The following ADAM22 variants were observed in gnomAD, a reference collection of about 807,000 sequenced individuals.
ADAM22 encodes the protein ADAM metallopeptidase domain 22.
Under a neutral mutation model 144.6 loss-of-function variants are expected in ADAM22, and 65 were observed. The observed-to-expected ratio is 0.45, with a 90% CI of 0.37 to 0.55. The LOEUF is 0.55. ADAM22 is among the 20% of genes least tolerant of loss of function. The pLI, the probability that ADAM22 is intolerant of heterozygous loss-of-function variation, is 0.00. For synonymous variants in ADAM22, 391 were observed against 412.6 expected (o/e 0.95, Z 0.63); for missense variants, 974 against 1,184.9 (o/e 0.82, Z 2.61).
At chr7:88,021,809 A>T (rs780654248) in intron 3 of ADAM22, among the ~76,000 whole-genome samples, 1 of 152,152 alleles carries the variant, frequency 6.6e-6, no homozygotes, top group Admixed American at 6.5e-5. Flanking sequence ...TTCGAGTCAT[A>T]AAAGACTCAG....
chr7:88,008,792 T>A (rs1285640374), intron 3 of ADAM22, among the ~76,000 whole-genome samples: 47 of 152,118 alleles, frequency 3.1e-4, no homozygotes, highest in African/African-American at 1.1e-3. Context: ...ATATACCTAA[T>A]GCTAAATGAC....
chr7:88,131,378 T>C lies in ADAM22; in HGVS notation c.935T>C (p.Phe312Ser). 5.6e-6 allele frequency: 9 copies of C among 1,613,900 alleles called. No individual in the cohort carries two copies. Among genetic ancestry groups the C allele is most frequent in the Non-Finnish European group, 7.6e-6 (9 of 1,179,884 alleles). ...SENPLITLREFMKYRRDFIKE... is the reference protein window; with the variant it reads ...SENPLITLRESMKYRRDFIKE... ...AATCCATTGATCACCCTACGTGAGTTTATGAAATACAGGAGGGATTTTATC... is the reference window on the plus strand; with the variant it reads ...AATCCATTGATCACCCTACGTGAGTCTATGAAATACAGGAGGGATTTTATC... The change falls in exon 11 of 32, where the codon TTT (phenylalanine) becomes TCT (serine). Residue 312 changes from phenylalanine (F) to serine (S), a missense_variant. By Grantham distance (155) the Phe-to-Ser change is radical. Coordinates refer to ENST00000413139, the MANE Select transcript of ADAM22 (RefSeq NM_001324418.2).
At chr7:87,973,445 C>A (rs564287393) in intron 2 of ADAM22, among the ~76,000 whole-genome samples, 2 of 152,030 alleles carry the variant, frequency 1.3e-5, no homozygotes, top group East Asian at 3.9e-4. Context: ...ACAACAGGTG[C>A]TGGAGAGGAT....
chr7:87,952,819 A>C (rs539327285), intron 2 of ADAM22, among the ~76,000 whole-genome samples: 148 of 152,160 alleles, frequency 9.7e-4, no homozygotes, highest in South Asian at 3.9e-3. Flanking sequence ...ACAATTTCAG[A>C]TCCTGTTATT....
At chr7:88,075,549 G>A (rs917302005) in intron 3 of ADAM22, 77 bp from the exon 4 acceptor site, 7 of 1,258,596 alleles carry the variant, frequency 5.6e-6, no homozygotes, top group African/African-American at 4.4e-5. Flanking sequence ...AAGCAGATAT[G>A]TGTAAACTAG....
At chr7:87,989,392 T>G (rs1789235421) in intron 3 of ADAM22, among the ~76,000 whole-genome samples, 1 of 152,038 alleles carries the variant, frequency 6.6e-6, no homozygotes, top group African/African-American at 2.4e-5. Context: ...TGTATATTAT[T>G]TATTTATTTA....
chr7:87,937,451 T>TGAGG (rs1331505264), intron 2 of ADAM22, among the ~76,000 whole-genome samples: 1 of 152,168 alleles, frequency 6.6e-6, no homozygotes, highest in Non-Finnish European at 1.5e-5. Context: ...GAAGAGAGAC[T>TGAGG]GAGGGAAGAA....
chr7:88,171,495 GTAAC>G, intron 25 of ADAM22, 45 bp from the exon 26 acceptor site: 3 of 1,513,284 alleles, frequency 2.0e-6, no homozygotes, highest in Non-Finnish European at 1.8e-6. Flanking sequence ...CCTTCCAGAG[GTAAC>G]TAACTCTTAT....
chr7:88,183,607 A>G (rs1847619620), intron 29 of ADAM22, among the ~76,000 whole-genome samples: 1 of 152,022 alleles, frequency 6.6e-6, no homozygotes, highest in East Asian at 1.9e-4. Context: ...CCTTTGAGAA[A>G]TCTTGCCTAT....
chr7:88,063,873 C>G (rs1337259685), intron 3 of ADAM22, among the ~76,000 whole-genome samples: 1 of 152,186 alleles, frequency 6.6e-6, no homozygotes, highest in African/African-American at 2.4e-5. Flanking sequence ...GATGAGTTCT[C>G]AGAAAATATA....
intron 3 of ADAM22, among the ~76,000 whole-genome samples, chr7:88,011,591 G>T (rs569699039): frequency 8.8e-4 from 132 of 150,826 alleles, no homozygotes; most frequent in African/African-American, 3.0e-3. Context: ...CTGCATTTTT[G>T]TTCTTCCTAA....
intron 2 of ADAM22, among the ~76,000 whole-genome samples, chr7:87,955,085 C>T (rs952294906): frequency 1.3e-5 from 2 of 152,078 alleles, no homozygotes; most frequent in South Asian, 2.1e-4. Context: ...TTTGAATTTC[C>T]TCCTATAGCT....
At position 87,959,114 on chromosome 7, in the gene ADAM22, T is replaced by A. The variant is rs182420563; in HGVS notation, c.247-19222T>A. ...TAAATCTCAAATGTAGTTTTTTTTT[T>A]AAAAAAAGCATTATAGAAAAGTGAT... On this transcript the variant is annotated intron_variant, in intron 2 of 31. Transcript: ENST00000413139. Among the ~76,000 whole-genome samples, 179 of 151,828 alleles carry A rather than the reference T, an allele frequency of 1.2e-3. 2 individuals carry two copies. The highest frequency in any genetic ancestry group is 2.2e-3 in the African/African-American group (89 of 41,372).
In ADAM22 at chr7:88,198,835, G is replaced by C. The variant is rs535669393; in HGVS notation, c.*2344G>C. Reference sequence around the variant, plus strand: ...CCTTTTGGGAGACATGGTTTCTCTAGAGGTATATAGTTTGTAATTACCCGC... The same window carrying C: ...CCTTTTGGGAGACATGGTTTCTCTACAGGTATATAGTTTGTAATTACCCGC... On this transcript the variant is annotated 3_prime_UTR_variant, in exon 32 of 32. Transcript: ENST00000413139. 13 of 152,284 alleles carry C rather than the reference G, an allele frequency of 8.5e-5. No homozygotes were observed. In the South Asian group the frequency reaches 2.7e-3, roughly 32 times the overall value. The allele number at this position is 152,284 out of a possible 1,614,324, so 9.4% of individuals were successfully genotyped here.
At chr7:88,194,711 G>T (rs751450810) in intron 31 of ADAM22, among the ~76,000 whole-genome samples, 1 of 151,948 alleles carries the variant, frequency 6.6e-6, no homozygotes, top group Non-Finnish European at 1.5e-5. Context: ...AAACAATATT[G>T]AGGAAACTTC....
intron 3 of ADAM22, among the ~76,000 whole-genome samples, chr7:87,996,674 T>G (rs1791314465): frequency 6.6e-6 from 1 of 152,236 alleles, no homozygotes; most frequent in Admixed American, 6.5e-5. Flanking sequence ...CCATAAATTC[T>G]GGGATCACGA....
At chr7:88,005,329 G>A (rs1228812467) in intron 3 of ADAM22, among the ~76,000 whole-genome samples, 1 of 152,178 alleles carries the variant, frequency 6.6e-6, no homozygotes, top group Non-Finnish European at 1.5e-5. Flanking sequence ...GAGGTGGGGA[G>A]CATTCTGGGC....
chr7:87,956,059 T>C (rs1846643711), intron 2 of ADAM22, among the ~76,000 whole-genome samples: 1 of 150,546 alleles, frequency 6.6e-6, no homozygotes, highest in Non-Finnish European at 1.5e-5. Context: ...GAAAGGGAAC[T>C]CCCTGACCCC....
At chr7:87,943,725 T>C (rs1049113283) in intron 2 of ADAM22, among the ~76,000 whole-genome samples, 1 of 152,200 alleles carries the variant, frequency 6.6e-6, no homozygotes, top group African/African-American at 2.4e-5. Flanking sequence ...TCAGCGGTTC[T>C]AACTGGAAAG....
Sources: allele counts gnomAD v4.1 joint callset (sites outside exome capture counted in the v4.1 genomes callset), GRCh38; gene constraint gnomAD v4.1.1; transcripts MANE v1.5; gene names NCBI Gene and HGNC (gene_info 2026-07-23, HGNC 2026-07-21).